The following SEC16A variants were observed in gnomAD, a reference collection of about 807,000 sequenced individuals.
The protein encoded by SEC16A is SEC16 homolog A, endoplasmic reticulum export factor, also known as protein transport protein Sec16A.
SEC16A carries 110 observed loss-of-function variants against 221.9 expected under a neutral mutation model. That is an observed-to-expected ratio of 0.50 (90% CI 0.42 to 0.58). The LOEUF is 0.58. SEC16A is among the 20% of genes least tolerant of loss of function. SEC16A has a pLI of 0.00. For synonymous variants in SEC16A, 1,393 were observed against 1,257.7 expected (o/e 1.11, Z -2.28); for missense variants, 3,165 against 3,097.8 (o/e 1.02, Z -0.52).
chr9:136,474,426 G>T lies in SEC16A; in HGVS notation c.3190C>A (p.Pro1064Thr). The change falls in exon 3 of 32, where the codon CCC becomes ACC. Residue 1064 changes from proline (P) to threonine (T), a missense_variant. By Grantham distance (38) the Pro-to-Thr change is conservative. Transcript: ENST00000684901. ...TGTGGGGGAGAAGCCTGTTGCTGGG[G>T]TGGCACCAGCTCCTGCTGGGCTCTT... is the stretch of plus-strand genomic sequence containing the variant. ...LERAQQELVPPQQQASPPQLP... is the reference protein window; with the variant it reads ...LERAQQELVPTQQQASPPQLP... 1 of 1,613,052 alleles carries T rather than the reference G, an allele frequency of 6.2e-7. No individual in the cohort carries two copies. The highest frequency in any genetic ancestry group is 1.1e-5 in the South Asian group (1 of 91,086).
chr9:136,444,254 G>C (rs764337426), intron 30 of SEC16A, among the ~76,000 whole-genome samples: 17 of 152,146 alleles, frequency 1.1e-4, no homozygotes, highest in Non-Finnish European at 2.4e-4. Flanking sequence ...ATTTGCAGGC[G>C]GAAGGGTCGC....
At chr9:136,444,128 C>A (rs1388451207) in intron 30 of SEC16A, 1 of 422,828 alleles carries the variant, frequency 2.4e-6, no homozygotes, top group Admixed American at 4.3e-5. Flanking sequence ...AGCACCGGAA[C>A]ATGCAATGGG....
At position 136,476,659 on chromosome 9, in the gene SEC16A, C is replaced by T; in HGVS notation, c.957G>A (p.Gln319=). 6.4e-7 allele frequency: 1 copy of T among 1,571,094 alleles called. No individual in the cohort carries two copies. The highest frequency in any genetic ancestry group is 1.2e-5 in the South Asian group (1 of 84,364). Residue 319 remains glutamine, a synonymous_variant, in exon 3 of 32, where the codon CAG becomes CAA. Transcript: ENST00000684901. The stretch of plus-strand genomic sequence containing the variant: ...GGTGCTCATTCTTCACTCCTGGATT[C>T]TGCCTGAGCTCTGGGCTTGCCCAGT... The part of the protein sequence containing the change: ...VNHWASPELR[Q]NPGVKNEHRP...
In SEC16A at chr9:136,475,498, C is replaced by T. The variant is rs1237756765; in HGVS notation, c.2118G>A (p.Lys706=). The part of the protein sequence containing the change: ...PLDTVYPAPE[K]RPSARTQGPV... ...GCCCCTGGGTCCTGGCTGAAGGCCT[C>T]TTCTCGGGTGCTGGATACACAGTAT... Residue 706 remains lysine, a synonymous_variant, in exon 3 of 32, where the codon AAG becomes AAA. Coordinates refer to ENST00000684901, the MANE Select transcript of SEC16A (RefSeq NM_014866.2). The surrounding 1 kb of genome is among the most constrained non-coding windows in gnomAD (Gnocchi z 5.0). The T allele has an allele frequency of 6.2e-7, 1 of 1,609,018 alleles. No individual in the cohort carries two copies. Among genetic ancestry groups the T allele is most frequent in the Non-Finnish European group, 8.5e-7 (1 of 1,176,498 alleles).
upstream of SEC16A, chr9:136,483,446 G>T: frequency 1.8e-5 from 2 of 109,826 alleles, no homozygotes; most frequent in Non-Finnish European, 2.2e-5. Flanking sequence ...CTTTGGCCCC[G>T]CCCCTCGGCC....
At chr9:136,463,838 G>T in intron 9 of SEC16A, 98 bp from the exon 10 acceptor site, 1 of 1,333,072 alleles carries the variant, frequency 7.5e-7, no homozygotes, top group Non-Finnish European at 1.1e-6. Context: ...TGAGAGGAGA[G>T]GATGGCATGG....
At chr9:136,444,446 C>T (rs1052613007) in intron 30 of SEC16A, among the ~76,000 whole-genome samples, 3 of 152,180 alleles carry the variant, frequency 2.0e-5, no homozygotes, top group African/African-American at 7.2e-5. Context: ...AGCATCCTGA[C>T]CGGGGAAACA....
rs1839697356 is a variant in SEC16A at position 136,462,946 on chromosome 9, T to C, written c.4834A>G (p.Ser1612Gly). 6.2e-7 allele frequency: 1 copy of C among 1,606,116 alleles called. No homozygotes were observed. Among genetic ancestry groups the C allele is most frequent in the Non-Finnish European group, 8.5e-7 (1 of 1,179,846 alleles). ...CTCTCGGTCTCTCTCTCGAGCGAGC[T>C]GGCGGCAGCCGCCGGACCACCAGTG... ...FLTGGPAAAA[S>G]SLERETERFR... Residue 1612 changes from serine (S) to glycine (G), a missense_variant, in exon 12 of 32, where the codon AGC (serine) becomes GGC (glycine). By Grantham distance (56) the Ser-to-Gly change is moderately conservative. This residue lies in a region of SEC16A where 1,088 missense variants were observed against 1,089.6 expected (regional missense o/e 1.00). Coordinates refer to ENST00000684901, the MANE Select transcript of SEC16A (RefSeq NM_014866.2).
intron 30 of SEC16A, 113 bp downstream of exon 30, chr9:136,444,939 A>C (rs1383196138): frequency 1.4e-5 from 11 of 786,740 alleles, no homozygotes; most frequent in African/African-American, 3.5e-5. Context: ...GCTGAGGGAG[A>C]CAACGGGCGA....
rs1168231140 is a variant in SEC16A, at chr9:136,475,274, C to G, written c.2342G>C (p.Ser781Thr). The G allele has an allele frequency of 6.2e-7, 1 of 1,613,428 alleles. No homozygotes were observed. The highest frequency in any genetic ancestry group is 8.5e-7 in the Non-Finnish European group (1 of 1,179,880). Residue 781 changes from serine (S) to threonine (T), a missense_variant, in exon 3 of 32, where the codon AGC becomes ACC. Coordinates refer to ENST00000684901, the MANE Select transcript of SEC16A (RefSeq NM_014866.2). This position sits in a 1 kb window ranked among gnomAD's most constrained non-coding sequence, Gnocchi z 5.0. ...RNPSSAAPVQ[S>T]RGGIGASENL... ...CTCAGAAGCACCAATGCCACCTCGG[C>G]TCTGCACCGGGGCCGCCGAGCTTGG...
At chr9:136,454,876 A>T (rs1192561964) in intron 20 of SEC16A, among the ~76,000 whole-genome samples, 1 of 152,260 alleles carries the variant, frequency 6.6e-6, no homozygotes, top group Non-Finnish European at 1.5e-5. Context: ...AGGACGAAGC[A>T]GACTGGACAT....
At position 136,464,501 on chromosome 9, in the gene SEC16A, G is replaced by T; in HGVS notation, c.4365C>A (p.Gly1455=). ...FSVPHVCARF[G]PGGQLIKVIP... ...TCACTTTGATAAGCTGACCGCCAGG[G>T]CCAAACCTGGCACAGACATGAGGCA... Residue 1455 remains glycine (G), a synonymous_variant, in exon 9 of 32, where the codon GGC becomes GGA. Coordinates refer to ENST00000684901, the MANE Select transcript of SEC16A (RefSeq NM_014866.2). 2.5e-6 allele frequency: 4 copies of T among 1,612,312 alleles called. No individual in the cohort carries two copies. The highest frequency in any genetic ancestry group is 3.4e-6 in the Non-Finnish European group (4 of 1,178,490).
chr9:136,462,826 C>T (rs944433317), intron 12 of SEC16A, 61 bp downstream of exon 12: 6 of 1,563,852 alleles, frequency 3.8e-6, no homozygotes, highest in Non-Finnish European at 4.3e-6. Flanking sequence ...GCTGCAACCC[C>T]GCACCAGGCC....
chr9:136,475,045 C>T lies in SEC16A; in HGVS notation c.2571G>A (p.Gln857=), dbSNP rs1009080707. 1 of 1,613,664 alleles carries T rather than the reference C, an allele frequency of 6.2e-7. No homozygotes were observed. The highest frequency in any genetic ancestry group is 1.3e-5 in the African/African-American group (1 of 74,962). The change falls in exon 3 of 32, where the codon CAG becomes CAA. Residue 857 remains glutamine, a synonymous_variant. Transcript: ENST00000684901. This position sits in a 1 kb window ranked among gnomAD's most constrained non-coding sequence, Gnocchi z 5.0. ...VSLSNSHEKN[Q]SWREALVGDR... ...CCCCCACCAAAGCCTCTCTCCAGGA[C>T]TGATTCTTCTCATGAGAGTTCGATA...
upstream of SEC16A, chr9:136,483,451 TC>T (rs1225757654): frequency 5.0e-6 from 1 of 201,000 alleles, no homozygotes; most frequent in Non-Finnish European, 5.6e-6. Flanking sequence ...GCCCCGCCCC[TC>T]GGCCGTCCTT....
chr9:136,441,577 T>C lies in SEC16A; in HGVS notation c.*178A>G. 1.7e-6 allele frequency: 1 copy of C among 587,752 alleles called. No individual in the cohort carries two copies. The highest frequency in any genetic ancestry group is 3.1e-6 in the Non-Finnish European group (1 of 325,116). The allele number at this position is 587,752 out of a possible 1,614,324, so 36.4% of individuals were successfully genotyped here. The stretch of plus-strand genomic sequence containing the variant: ...TCCAGAATCTGAAAGGATGGTGGAA[T>C]TAATTTTCAAAATAATTCATTACGA... On this transcript the variant is annotated 3_prime_UTR_variant, in exon 32 of 32. Coordinates refer to ENST00000684901, the MANE Select transcript of SEC16A (RefSeq NM_014866.2).
chr9:136,462,113 A>G (rs944304356), intron 12 of SEC16A, among the ~76,000 whole-genome samples: 1 of 152,152 alleles, frequency 6.6e-6, no homozygotes, highest in Admixed American at 6.5e-5. Flanking sequence ...CTCAAAAAAA[A>G]TTAAAAATAA....
chr9:136,444,219 C>T (rs1836623461), intron 30 of SEC16A: 1 of 209,530 alleles, frequency 4.8e-6, no homozygotes, highest in Non-Finnish European at 9.7e-6. Context: ...AAGGCTCCAG[C>T]CATGACACGA....
rs748923915 is a variant in SEC16A, at chr9:136,459,870, C to T, written c.5078G>A (p.Cys1693Tyr). The change falls in exon 15 of 32, where the codon TGT becomes TAT. Residue 1693 changes from cysteine to tyrosine, a missense_variant. By Grantham distance (194) the Cys-to-Tyr change is radical (BLOSUM62 -2). Around this residue, in one of 3 missense-constraint regions of SEC16A, gnomAD observed 1,088 missense variants for 1,089.6 expected, o/e 1.00. Transcript: ENST00000684901. This position sits in a 1 kb window ranked among gnomAD's most constrained non-coding sequence, Gnocchi z 6.1. ...CCAATCTCCCCATTTCTCGTCTCCA[C>T]AGCACTAACATGAGGAAAAACAAAA... Reference protein sequence around the residue: ...SGRMPAASTCCGDEKWGDWRP... With the variant: ...SGRMPAASTCYGDEKWGDWRP... 2 of 1,612,474 alleles carry T rather than the reference C, an allele frequency of 1.2e-6. No homozygotes were observed. The highest frequency in any genetic ancestry group is 1.1e-5 in the South Asian group (1 of 90,804).
Sources: allele counts gnomAD v4.1 joint callset (sites outside exome capture counted in the v4.1 genomes callset), GRCh38; gene constraint gnomAD v4.1.1; regional missense constraint gnomAD v4.1.1; non-coding constraint Gnocchi (gnomAD v3.1); transcripts MANE v1.5; gene names NCBI Gene and HGNC (gene_info 2026-07-23, HGNC 2026-07-21).